The following DSCAM variants were observed in gnomAD, a reference collection of about 807,000 sequenced individuals.
DSCAM encodes the protein cell adhesion molecule DSCAM.
A neutral mutation model predicts 217.7 loss-of-function variants in DSCAM; 47 were observed. The ratio of observed to expected loss-of-function variants is 0.22; its 90% CI spans 0.17 to 0.28. DSCAM has a LOEUF of 0.28. Among genes scored for constraint, DSCAM ranks in the 10% least tolerant of loss-of-function variants. DSCAM has a pLI of 1.00. For synonymous variants in DSCAM, 1,056 were observed against 1,015.3 expected (o/e 1.04, Z -0.76); for missense variants, 2,080 against 2,618.3 (o/e 0.79, Z 4.49).
At chr21:40,821,389 G>GCA (rs1380037032) in intron 1 of DSCAM, among the ~76,000 whole-genome samples, 7 of 148,018 alleles carry the variant, frequency 4.7e-5, no homozygotes, top group Admixed American at 2.1e-4. Flanking sequence ...ACAGACACAC[G>GCA]CGCGCACACA....
Position 40,511,134 on chromosome 21 carries a change from T to C in DSCAM, c.509-141889A>G, listed in dbSNP as rs567863906. Among the ~76,000 whole-genome samples the C allele has an allele frequency of 3.3e-5, 5 of 152,322 alleles. 1 individual carries two copies. In the South Asian group the frequency reaches 1.0e-3, roughly 32 times the overall value. On this transcript the variant is annotated intron_variant, in intron 3 of 32. Coordinates refer to ENST00000400454, the MANE Select transcript of DSCAM (RefSeq NM_001389.5). ...GAATAATAAAATTATATTCATTTGT[T>C]TAATTCTCTTCATGGTATGTTGCTT...
At chr21:40,337,978 C>T in intron 8 of DSCAM, 123 bp downstream of exon 8, 5 of 1,223,400 alleles carry the variant, frequency 4.1e-6, no homozygotes, top group South Asian at 2.9e-5. Context: ...TGTCATTCTT[C>T]AGCCTGTACA....
chr21:40,183,219 G>A lies in DSCAM; in HGVS notation c.2779+3912C>T, dbSNP rs543445197. Among the ~76,000 whole-genome samples the A allele has an allele frequency of 3.3e-5, 5 of 152,262 alleles. No individual in the cohort carries two copies. The East Asian group carries it at 7.7e-4, about 24-fold the overall frequency. Reference sequence around the variant, plus strand: ...CCTTCCAAGGAAGGGAATAAAGGGAGGCAACAAACTGCAGACGAATCTGCT... The same window carrying A: ...CCTTCCAAGGAAGGGAATAAAGGGAAGCAACAAACTGCAGACGAATCTGCT... On this transcript the variant is annotated intron_variant, in intron 14 of 32. Transcript: ENST00000400454.
At position 40,083,943 on chromosome 21, in the gene DSCAM, CAAGA is replaced by C; in HGVS notation, c.4192_4195del (p.Ser1398GlyfsTer53). 1 of 1,613,728 alleles carries C rather than the reference CAAGA, an allele frequency of 6.2e-7. No homozygotes were observed. ...GCTGCCCCCGTTGTCTCCAGGGAGC[CAAGA>C]AAGGGTGATGGAGGAAGACGTGGTC... On this transcript the variant is annotated frameshift_variant, in exon 24 of 33. Coordinates refer to ENST00000400454, the MANE Select transcript of DSCAM (RefSeq NM_001389.5). LOFTEE classifies it high-confidence loss of function.
chr21:40,845,827 G>A (rs926420486), intron 1 of DSCAM, among the ~76,000 whole-genome samples: 2 of 152,250 alleles, frequency 1.3e-5, no homozygotes, highest in South Asian at 2.1e-4. Flanking sequence ...TTTATGCGGT[G>A]ACAGGCAGCC....
In DSCAM at chr21:40,782,186, CA is replaced by C. The variant is rs35226396; in HGVS notation, c.43+64432del. On this transcript the variant is annotated intron_variant, in intron 1 of 32. Transcript: ENST00000400454. ...ACTCCATCTCAAAAACAAAAAACAA[CA>C]AAAAAAAAAACCTTCTCTTCTAGTC... is the stretch of plus-strand genomic sequence containing the variant. Among the ~76,000 whole-genome samples, 427 of 142,262 alleles carry C rather than the reference CA, an allele frequency of 3.0e-3. 3 individuals are homozygous for C. Among genetic ancestry groups the C allele is most frequent in the African/African-American group, 8.7e-3 (342 of 39,172 alleles). The allele number at this position is 142,262 out of a possible 152,430, so 93.3% of individuals were successfully genotyped here. A position where few individuals can be genotyped will look rare whatever the true frequency, so the allele number is the denominator to read the frequency against.
intron 4 of DSCAM, among the ~76,000 whole-genome samples, chr21:40,355,184 T>C (rs1228122807): frequency 1.3e-5 from 2 of 151,930 alleles, no homozygotes; most frequent in African/African-American, 4.8e-5. Context: ...TAACAGAGAG[T>C]GAAGTCCACG....
At position 40,488,590 on chromosome 21, in the gene DSCAM, G is replaced by A. The variant is rs748560439; in HGVS notation, c.509-119345C>T. On this transcript the variant is annotated intron_variant, in intron 3 of 32. Coordinates refer to ENST00000400454, the MANE Select transcript of DSCAM (RefSeq NM_001389.5). ...AGAGGAGAAAGGCATCCACCCAAAG[G>A]AAAAAAGGTAAAAATCAAATCATCT... is the stretch of plus-strand genomic sequence containing the variant. Among the ~76,000 whole-genome samples, 147 of 152,122 alleles carry A rather than the reference G, an allele frequency of 9.7e-4. 1 individual carries two copies. The highest frequency in any genetic ancestry group is 1.8e-3 in the Non-Finnish European group (120 of 67,982).
chr21:40,182,644 AGGGGGTTACCAGAGAAACCGTGGACAGGG>A (rs2090828729), intron 14 of DSCAM, among the ~76,000 whole-genome samples: 101 of 51,364 alleles, frequency 2.0e-3, no homozygotes, highest in African/African-American at 3.9e-3. Flanking sequence ...CGTGGACAGG[AGGGGGTTACCAGAGAAACCGTGGACAGGG>A]GGGGGTTACC....
chr21:40,066,816 T>C (rs1601292760), intron 27 of DSCAM, among the ~76,000 whole-genome samples: 1 of 152,186 alleles, frequency 6.6e-6, no homozygotes, highest in Non-Finnish European at 1.5e-5. Flanking sequence ...CCTGTCAAAA[T>C]GCAAATGGAG....
chr21:40,692,096 A>G (rs1277334403), intron 3 of DSCAM, among the ~76,000 whole-genome samples: 1 of 152,266 alleles, frequency 6.6e-6, no homozygotes, highest in Non-Finnish European at 1.5e-5. Context: ...TCTTTTCCGA[A>G]AGCAGCCAAC....
chr21:40,431,626 G>A (rs2075533285), intron 3 of DSCAM, among the ~76,000 whole-genome samples: 1 of 152,158 alleles, frequency 6.6e-6, no homozygotes, highest in Non-Finnish European at 1.5e-5. Flanking sequence ...TGAATAATGT[G>A]TTCATTTCTC....
intron 27 of DSCAM, among the ~76,000 whole-genome samples, chr21:40,068,178 C>T (rs1412474924): frequency 6.6e-6 from 1 of 152,134 alleles, no homozygotes. Context: ...TTTGCTAACA[C>T]TCTGAATGCT....
chr21:40,106,590 C>T (rs2146623003), intron 20 of DSCAM, among the ~76,000 whole-genome samples: 1 of 152,206 alleles, frequency 6.6e-6, no homozygotes, highest in Middle Eastern at 3.4e-3. Context: ...GCCATGAATC[C>T]ATCTAATCTT....
intron 1 of DSCAM, among the ~76,000 whole-genome samples, chr21:40,759,243 A>T (rs1446402132): frequency 2.6e-5 from 4 of 151,904 alleles, no homozygotes; most frequent in Non-Finnish European, 4.4e-5. Context: ...TCAGCCTCCC[A>T]CGTGCTCCAA....
chr21:40,738,471 A>C (rs1425996996), intron 1 of DSCAM, among the ~76,000 whole-genome samples: 1 of 152,188 alleles, frequency 6.6e-6, no homozygotes, highest in Admixed American at 6.5e-5. Flanking sequence ...AGGCATTTAC[A>C]TCTTGCTTAG....
chr21:40,672,765 C>T (rs1326438177), intron 3 of DSCAM, among the ~76,000 whole-genome samples: 1 of 152,118 alleles, frequency 6.6e-6, no homozygotes, highest in Non-Finnish European at 1.5e-5. Context: ...AATTCCTTAC[C>T]TGAATCATCC....
At chr21:40,452,237 T>TACACACAC (rs71186937) in intron 3 of DSCAM, among the ~76,000 whole-genome samples, 39,522 of 144,232 alleles carry the variant, frequency 0.27, 5,570 homozygotes, top group Non-Finnish European at 0.32. Context: ...TACACTATAT[T>TACACACAC]ACACACACAC....
intron 3 of DSCAM, among the ~76,000 whole-genome samples, chr21:40,637,542 C>A (rs192773510): frequency 0.052 from 985 of 18,780 alleles, 27 homozygotes; most frequent in South Asian, 0.058. Flanking sequence ...TACATATATA[C>A]ATATATATAA....
Sources: allele counts gnomAD v4.1 joint callset (sites outside exome capture counted in the v4.1 genomes callset), GRCh38; gene constraint gnomAD v4.1.1; transcripts MANE v1.5; gene names NCBI Gene and HGNC (gene_info 2026-07-23, HGNC 2026-07-21).